The following CAMK4 variants were observed in gnomAD, a reference collection of about 807,000 sequenced individuals.
CAMK4 encodes calcium/calmodulin-dependent protein kinase type IV.
In CAMK4, 22 loss-of-function variants were observed where a neutral mutation model predicts 44.9. That is an observed-to-expected ratio of 0.49 (90% CI 0.35 to 0.70). CAMK4 has a LOEUF of 0.70. Ranked by LOEUF, CAMK4 falls within the 30% of genes least tolerant of loss-of-function variation. The probability of loss-of-function intolerance (pLI) is 0.01; values close to 1 mark genes in which losing one functional copy is unlikely to be tolerated. For synonymous variants in CAMK4, 218 were observed against 215.4 expected, an observed-to-expected ratio of 1.01 and a Z score of -0.11; for missense variants, 498 against 586.8, an observed-to-expected ratio of 0.85 and a Z score of 1.56.
At chr5:111,326,763 A>G (rs1053999182) in intron 1 of CAMK4, among the ~76,000 whole-genome samples, 1 of 151,996 alleles carries the variant, frequency 6.6e-6, no homozygotes, top group East Asian at 1.9e-4. Context: ...TGCACAATAC[A>G]GGGAAGGAGT....
chr5:111,422,094 G>A lies in CAMK4; in HGVS notation c.460-24592G>A, dbSNP rs954045286. Among the ~76,000 whole-genome samples the A allele has an allele frequency of 1.1e-4, 16 of 152,080 alleles. 1 individual carries two copies. The highest frequency in any genetic ancestry group is 6.6e-5 in the Admixed American group (1 of 15,260). ...ATGTCTTTATTAGGAGTGTGAGAAC[G>A]GACTAATACAGACATCTTAAAATAT... On this transcript the variant is annotated intron_variant, in intron 5 of 10. Transcript: ENST00000282356.
In CAMK4 at chr5:111,273,165, AT is replaced by A. The variant is rs372170449; in HGVS notation, c.161+48524del. Among the ~76,000 whole-genome samples the A allele has an allele frequency of 8.1e-3, 1,232 of 152,208 alleles. 17 individuals are homozygous for A. The highest frequency in any genetic ancestry group is 0.028 in the African/African-American group (1,166 of 41,520). On this transcript the variant is annotated intron_variant, in intron 1 of 10. Transcript: ENST00000282356. ...ATAGTCACTGATGATTTTAGTTATG[AT>A]TTCTCATTAATTACTTTCTATATTT...
At chr5:111,350,111 A>G (rs1324899404) in intron 2 of CAMK4, among the ~76,000 whole-genome samples, 3 of 152,064 alleles carry the variant, frequency 2.0e-5, no homozygotes, top group African/African-American at 7.2e-5. Context: ...GTGTGACTTT[A>G]GAAGTTATAG....
intron 1 of CAMK4, among the ~76,000 whole-genome samples, chr5:111,331,275 G>A (rs1196065817): frequency 6.6e-6 from 1 of 150,950 alleles, no homozygotes; most frequent in Non-Finnish European, 1.5e-5. Context: ...TTTTTAAATG[G>A]GCAAAAGACC....
In CAMK4 at chr5:111,439,934, G is replaced by T. The variant is rs1263075862; in HGVS notation, c.460-6752G>T. On this transcript the variant is annotated intron_variant, in intron 5 of 10. Transcript: ENST00000282356. The stretch of plus-strand genomic sequence containing the variant: ...GGTTGAGAAAAATGAGTCAGAACAG[G>T]GTATTGGGTTTGATAGGACAAAAAT... 2.0e-5 allele frequency among the ~76,000 whole-genome samples: 3 copies of T among 152,074 alleles called. No homozygotes were observed. The South Asian group carries it at 6.2e-4, about 32-fold the overall frequency.
chr5:111,491,061 C>T lies in CAMK4; in HGVS notation c.*6595C>T, dbSNP rs1336741551. ...AATGTCAGTCATTCATTTTATCTCT[C>T]GTCTTTGAGATACACACATTAAAAC... is the stretch of plus-strand genomic sequence containing the variant. On this transcript the variant is annotated 3_prime_UTR_variant, in exon 11 of 11. Transcript: ENST00000282356. 6.6e-6 allele frequency: 1 copy of T among 152,150 alleles called. No individual in the cohort carries two copies. Among genetic ancestry groups the T allele is most frequent in the Non-Finnish European group, 1.5e-5 (1 of 68,036 alleles). 9.4% of individuals were successfully genotyped at this position (152,150 alleles called of 1,614,324 possible).
chr5:111,370,473 G>A (rs1580663537), intron 2 of CAMK4, among the ~76,000 whole-genome samples: 1 of 152,102 alleles, frequency 6.6e-6, no homozygotes, highest in Non-Finnish European at 1.5e-5. Flanking sequence ...AATGGCGGGT[G>A]TGGGAGTGGG....
chr5:111,333,691 G>C (rs1749274942), intron 1 of CAMK4, among the ~76,000 whole-genome samples: 1 of 151,576 alleles, frequency 6.6e-6, no homozygotes, highest in Non-Finnish European at 1.5e-5. Context: ...AGTCACAACT[G>C]GATGCTGTTA....
rs10671641 is a variant in CAMK4, at chr5:111,383,622, A to ATTT, written c.386+6694_386+6696dup. On this transcript the variant is annotated intron_variant, in intron 4 of 10. Coordinates refer to ENST00000282356, the MANE Select transcript of CAMK4 (RefSeq NM_001744.6). ...TAGATGTGTTACAAGAGGGGAGATA[A>ATTT]TTTTTTTTTTTTTTTTGTATTTTTA... Among the ~76,000 whole-genome samples, 520 of 141,992 alleles carry ATTT rather than the reference A, an allele frequency of 3.7e-3. 3 individuals carry two copies. Among genetic ancestry groups the ATTT allele is most frequent in the Non-Finnish European group, 4.6e-3 (301 of 65,330 alleles). 93.2% of individuals were successfully genotyped at this position (141,992 alleles called of 152,430 possible).
At chr5:111,341,089 T>C (rs1006321826) in intron 1 of CAMK4, among the ~76,000 whole-genome samples, 3 of 151,184 alleles carry the variant, frequency 2.0e-5, no homozygotes, top group Non-Finnish European at 3.0e-5. Flanking sequence ...TTTAATGTGT[T>C]ATTTTCTTAT....
intron 1 of CAMK4, among the ~76,000 whole-genome samples, chr5:111,298,103 C>T (rs1003318691): frequency 2.6e-5 from 4 of 152,144 alleles, no homozygotes; most frequent in African/African-American, 7.2e-5. Context: ...TTCTAAGCAT[C>T]TGTACACTGA....
intron 2 of CAMK4, among the ~76,000 whole-genome samples, 160 bp from the exon 3 acceptor site, chr5:111,374,690 T>C (rs998312777): frequency 9.2e-5 from 14 of 152,178 alleles, no homozygotes; most frequent in African/African-American, 3.4e-4. Context: ...AGAAAGGATG[T>C]GCAGCTGAAA....
intron 5 of CAMK4, among the ~76,000 whole-genome samples, chr5:111,405,762 C>G (rs989516023): frequency 6.6e-6 from 1 of 152,108 alleles, no homozygotes; most frequent in African/African-American, 2.4e-5. Flanking sequence ...GACCATCACC[C>G]TGATGGCAGC....
chr5:111,247,966 C>T (rs1684126200), intron 1 of CAMK4, among the ~76,000 whole-genome samples: 1 of 152,122 alleles, frequency 6.6e-6, no homozygotes, highest in Non-Finnish European at 1.5e-5. Context: ...TTAATGTGCT[C>T]AGGGGCATTG....
intron 5 of CAMK4, among the ~76,000 whole-genome samples, chr5:111,414,760 GT>G (rs1752759032): frequency 6.6e-6 from 1 of 152,022 alleles, no homozygotes; most frequent in African/African-American, 2.4e-5. Context: ...ATAGAAAAAA[GT>G]CTGTTTATAT....
At chr5:111,362,195 C>T (rs1334808685) in intron 2 of CAMK4, among the ~76,000 whole-genome samples, 1 of 151,990 alleles carries the variant, frequency 6.6e-6, no homozygotes, top group African/African-American at 2.4e-5. Context: ...GAAATTGAAG[C>T]AGTCCTCATA....
At chr5:111,255,248 G>A (rs1164763891) in intron 1 of CAMK4, among the ~76,000 whole-genome samples, 1 of 152,094 alleles carries the variant, frequency 6.6e-6, no homozygotes, top group Non-Finnish European at 1.5e-5. Flanking sequence ...ACTTTGGTCT[G>A]CCCATCCTGT....
rs1755671175 is a variant in CAMK4, at chr5:111,487,476, T to G, written c.*3010T>G. The G allele has an allele frequency of 6.6e-6, 1 of 152,172 alleles. No individual in the cohort carries two copies. Among genetic ancestry groups the G allele is most frequent in the East Asian group, 1.9e-4 (1 of 5,200 alleles). The allele number at this position is 152,172 out of a possible 1,614,324, so 9.4% of individuals were successfully genotyped here. A position where few individuals can be genotyped will look rare whatever the true frequency, so the allele number is the denominator to read the frequency against. On this transcript the variant is annotated 3_prime_UTR_variant, in exon 11 of 11. Transcript: ENST00000282356. ...GAATAATATCGTGGTAGAAGTTAATTGTCCAGAACAAGTGCATTATATAAA... is the reference window on the plus strand; with the variant it reads ...GAATAATATCGTGGTAGAAGTTAATGGTCCAGAACAAGTGCATTATATAAA...
intron 1 of CAMK4, among the ~76,000 whole-genome samples, chr5:111,280,362 T>G (rs999438696): frequency 2.6e-5 from 4 of 152,182 alleles, no homozygotes; most frequent in Non-Finnish European, 5.9e-5. Context: ...CAGACAAAAA[T>G]GCAATGGCTC....
Sources: gnomAD v4.1 joint callset for allele counts (sites outside exome capture counted in the v4.1 genomes callset) on GRCh38, gnomAD v4.1.1 for gene constraint, MANE v1.5 for transcripts, NCBI Gene and HGNC (gene_info 2026-07-23, HGNC 2026-07-21) for gene names.